IMMP2L: variants seen among roughly 807,000 people sequenced by gnomAD.
IMMP2L encodes the protein inner mitochondrial membrane peptidase subunit 2.
In IMMP2L, 18 loss-of-function variants were observed where a neutral mutation model predicts 19.3. The ratio of observed to expected loss-of-function variants is 0.93; its 90% CI spans 0.64 to 1.38. IMMP2L has a LOEUF of 1.38. Among genes scored for constraint, IMMP2L ranks in the 40% most tolerant of loss-of-function variants. The pLI is 0.00. For missense variants in IMMP2L, 233 were observed against 218.2 expected (o/e 1.07, Z -0.43); for synonymous variants, 76 against 73.0 (o/e 1.04, Z -0.21).
chr7:111,458,426 C>T (rs1839861281), intron 3 of IMMP2L, among the ~76,000 whole-genome samples: 1 of 151,666 alleles, frequency 6.6e-6, no homozygotes, highest in Non-Finnish European at 1.5e-5. Flanking sequence ...CAAAAATAAA[C>T]ATAATATGCT....
chr7:110,779,118 A>G (rs1799579210), intron 5 of IMMP2L, among the ~76,000 whole-genome samples: 1 of 151,928 alleles, frequency 6.6e-6, no homozygotes, highest in Admixed American at 6.6e-5. Flanking sequence ...AAAAACTGAA[A>G]ACTTAATAAC....
chr7:111,086,132 A>T (rs550073320), intron 3 of IMMP2L, among the ~76,000 whole-genome samples: 69 of 152,004 alleles, frequency 4.5e-4, no homozygotes, highest in South Asian at 2.1e-4. Flanking sequence ...AAAAGTATTT[A>T]AAAAAAAGAC....
intron 3 of IMMP2L, among the ~76,000 whole-genome samples, chr7:111,000,846 T>TA (rs34284744): frequency 0.033 from 4,772 of 143,958 alleles, 105 homozygotes; most frequent in South Asian, 0.074. Flanking sequence ...TCCTCTGTCT[T>TA]AAAAAAAAAA....
At chr7:110,962,722 G>C in intron 4 of IMMP2L, 1 of 1,020,114 alleles carries the variant, frequency 9.8e-7, no homozygotes, top group Non-Finnish European at 1.2e-6. Context: ...ACTGACTGAG[G>C]TTCATTTCAG....
At chr7:111,365,809 A>G (rs1829708236) in intron 3 of IMMP2L, among the ~76,000 whole-genome samples, 1 of 152,110 alleles carries the variant, frequency 6.6e-6, no homozygotes, top group African/African-American at 2.4e-5. Flanking sequence ...GAAGGTACAC[A>G]ATTATCCTGG....
intron 2 of IMMP2L, among the ~76,000 whole-genome samples, chr7:111,488,793 T>C (rs1201498930): frequency 6.6e-6 from 1 of 152,142 alleles, no homozygotes; most frequent in Non-Finnish European, 1.5e-5. Flanking sequence ...TTTTTCATAG[T>C]GGTTGTACTA....
At chr7:111,130,691 TA>T (rs1285119005) in intron 3 of IMMP2L, among the ~76,000 whole-genome samples, 1 of 152,052 alleles carries the variant, frequency 6.6e-6, no homozygotes, top group Non-Finnish European at 1.5e-5. Flanking sequence ...TCAAGGCTGG[TA>T]AAGACAGAAA....
At chr7:111,206,202 T>C (rs1298930146) in intron 3 of IMMP2L, among the ~76,000 whole-genome samples, 1 of 152,198 alleles carries the variant, frequency 6.6e-6, no homozygotes, top group Non-Finnish European at 1.5e-5. Context: ...CCAGAGGTTT[T>C]TCATTACGTC....
At chr7:110,967,406 C>T (rs1819654430) in intron 3 of IMMP2L, among the ~76,000 whole-genome samples, 1 of 151,954 alleles carries the variant, frequency 6.6e-6, no homozygotes, top group Non-Finnish European at 1.5e-5. Context: ...CCACCCCCAC[C>T]CTGATCCTGG....
intron 3 of IMMP2L, among the ~76,000 whole-genome samples, chr7:111,084,260 T>C (rs1204276581): frequency 6.7e-6 from 1 of 148,762 alleles, no homozygotes; most frequent in East Asian, 2.0e-4. Flanking sequence ...CCAAAGTTCC[T>C]GTAATTCTCT....
intron 3 of IMMP2L, among the ~76,000 whole-genome samples, chr7:111,484,920 A>G (rs933670425): frequency 2.0e-5 from 3 of 151,890 alleles, no homozygotes; most frequent in African/African-American, 7.3e-5. Context: ...CCAGGTAGCT[A>G]AGAACTACAG....
intron 3 of IMMP2L, among the ~76,000 whole-genome samples, chr7:111,333,962 A>T (rs527959903): frequency 3.3e-4 from 50 of 152,176 alleles, no homozygotes; most frequent in African/African-American, 1.1e-3. Context: ...AAACCCTGAT[A>T]CACTCTTCAA....
intron 3 of IMMP2L, among the ~76,000 whole-genome samples, chr7:111,088,668 T>C (rs747865799): frequency 3.3e-5 from 5 of 152,208 alleles, no homozygotes; most frequent in African/African-American, 4.8e-5. Context: ...TCACTCACAA[T>C]TGTATTAATT....
At position 111,309,764 on chromosome 7, in the gene IMMP2L, T is replaced by G. The variant is rs1823299488; in HGVS notation, c.239+177474A>C. On this transcript the variant is annotated intron_variant, in intron 3 of 5. Coordinates refer to ENST00000405709, the MANE Select transcript of IMMP2L (RefSeq NM_032549.4). ...TGACCGACAGAAATAATATATATTTTGAAATATTGTTACACTCATCACTAA... is the reference window on the plus strand; with the variant it reads ...TGACCGACAGAAATAATATATATTTGGAAATATTGTTACACTCATCACTAA... Among the ~76,000 whole-genome samples the G allele has an allele frequency of 2.0e-5, 3 of 152,154 alleles. No homozygotes were observed. The South Asian group carries it at 6.2e-4, about 32-fold the overall frequency.
intron 3 of IMMP2L, among the ~76,000 whole-genome samples, chr7:111,036,243 C>A (rs1036414871): frequency 2.6e-5 from 4 of 152,034 alleles, no homozygotes; most frequent in African/African-American, 9.7e-5. Context: ...CCTCCGAAAC[C>A]TTCCTCTATA....
At chr7:111,259,998 C>T (rs894198127) in intron 3 of IMMP2L, among the ~76,000 whole-genome samples, 16 of 152,124 alleles carry the variant, frequency 1.1e-4, no homozygotes, top group Admixed American at 9.8e-4. Context: ...GAGCTGTCAT[C>T]TCCTATCATA....
chr7:111,561,405 A>G (rs1394965169), intron 1 of IMMP2L, among the ~76,000 whole-genome samples: 1 of 152,074 alleles, frequency 6.6e-6, no homozygotes, highest in African/African-American at 2.4e-5. Flanking sequence ...GTCCTAAAGG[A>G]TTTTTTCAGG....
chr7:111,375,195 T>C (rs965533696), intron 3 of IMMP2L, among the ~76,000 whole-genome samples: 24 of 151,944 alleles, frequency 1.6e-4, no homozygotes, highest in Non-Finnish European at 7.4e-5. Context: ...AACAGGCTTG[T>C]TGAGTGTTGC....
intron 3 of IMMP2L, among the ~76,000 whole-genome samples, chr7:110,971,041 T>C (rs988819137): frequency 2.0e-5 from 3 of 152,138 alleles, no homozygotes; most frequent in African/African-American, 7.2e-5. Context: ...GCCATCTATA[T>C]GGCACAGAGA....
Sources: gnomAD v4.1 joint callset for allele counts (sites outside exome capture counted in the v4.1 genomes callset) on GRCh38, gnomAD v4.1.1 for gene constraint, MANE v1.5 for transcripts, NCBI Gene and HGNC (gene_info 2026-07-23, HGNC 2026-07-21) for gene names.